Variants in KIAA1217 observed in about 807,000 individuals in gnomAD.
The protein encoded by KIAA1217 is sickle tail protein homolog.
KIAA1217 carries 88 observed loss-of-function variants against 163.9 expected under a neutral mutation model. That is an observed-to-expected ratio of 0.54 (90% CI 0.45 to 0.64). The LOEUF (loss-of-function observed/expected upper bound fraction) is 0.64. Among genes scored for constraint, KIAA1217 ranks in the 30% least tolerant of loss-of-function variants. The pLI is 0.00. For synonymous variants in KIAA1217, 903 were observed against 923.1 expected (o/e 0.98, Z 0.39); for missense variants, 2,372 against 2,475.0 (o/e 0.96, Z 0.88).
chr10:23,830,332 G>A (rs879588274), intron 1 of KIAA1217, among the ~76,000 whole-genome samples: 5 of 152,128 alleles, frequency 3.3e-5, no homozygotes, highest in Non-Finnish European at 7.3e-5. Context: ...TGATTCGGTT[G>A]TCCTGCATAA....
At chr10:24,282,004 C>T (rs1034307570) in intron 2 of KIAA1217, among the ~76,000 whole-genome samples, 5 of 151,888 alleles carry the variant, frequency 3.3e-5, no homozygotes, top group African/African-American at 9.7e-5. Flanking sequence ...TTGCAGTGAG[C>T]GGAGATCACA....
At chr10:24,091,450 T>C (rs2061935673) in intron 2 of KIAA1217, among the ~76,000 whole-genome samples, 1 of 151,960 alleles carries the variant, frequency 6.6e-6, no homozygotes, top group African/African-American at 2.4e-5. Flanking sequence ...AAGTCCCCAC[T>C]GCTTCTAATT....
chr10:24,381,185 A>T (rs1021036466), intron 3 of KIAA1217, 118 bp downstream of exon 3: 1 of 752,722 alleles, frequency 1.3e-6, no homozygotes, highest in Non-Finnish European at 1.9e-6. Flanking sequence ...CAAATACTCT[A>T]GTACTGGGAA....
At chr10:24,253,521 A>C (rs1368733864) in intron 2 of KIAA1217, among the ~76,000 whole-genome samples, 2 of 152,150 alleles carry the variant, frequency 1.3e-5, no homozygotes, top group African/African-American at 2.4e-5. Context: ...TACTTGCTTG[A>C]TTGTTTGTTT....
intron 9 of KIAA1217, among the ~76,000 whole-genome samples, chr10:24,504,282 A>G (rs2068053509): frequency 6.6e-6 from 1 of 152,242 alleles, no homozygotes; most frequent in Non-Finnish European, 1.5e-5. Flanking sequence ...AATAAAGAAC[A>G]GTGAGCAAAT....
At chr10:23,771,227 G>C (rs534372646) in intron 1 of KIAA1217, among the ~76,000 whole-genome samples, 2 of 152,122 alleles carry the variant, frequency 1.3e-5, no homozygotes, top group East Asian at 3.9e-4. Flanking sequence ...CCAATCTGTA[G>C]AGTCTCTGCA....
At chr10:24,445,170 G>A (rs774738747) in intron 5 of KIAA1217, among the ~76,000 whole-genome samples, 5 of 152,064 alleles carry the variant, frequency 3.3e-5, no homozygotes, top group Non-Finnish European at 5.9e-5. Context: ...GTTTTCACAG[G>A]TGATAAAACT....
At chr10:24,275,687 T>C (rs1423137243) in intron 2 of KIAA1217, 3 of 513,064 alleles carry the variant, frequency 5.8e-6, no homozygotes, top group East Asian at 5.9e-5. Context: ...GCAGGCAAGA[T>C]TGATGCTGTT....
intron 13 of KIAA1217, among the ~76,000 whole-genome samples, chr10:24,525,104 G>A (rs1005811212): frequency 8.5e-5 from 13 of 152,152 alleles, no homozygotes; most frequent in East Asian, 1.9e-4. Flanking sequence ...GAGTGGGTGC[G>A]TGCAGATCTG....
chr10:23,957,300 T>G (rs1000997970), intron 1 of KIAA1217, among the ~76,000 whole-genome samples: 1 of 152,188 alleles, frequency 6.6e-6, no homozygotes, highest in Non-Finnish European at 1.5e-5. Flanking sequence ...CAACAAGCCC[T>G]GTCGTTTCCT....
Position 24,121,647 on chromosome 10 carries a change from C to T in KIAA1217, c.-170-97979C>T, listed in dbSNP as rs142424703. Among the ~76,000 whole-genome samples the T allele has an allele frequency of 1.8e-3, 272 of 152,060 alleles. 1 individual carries two copies. The highest frequency in any genetic ancestry group is 6.4e-3 in the African/African-American group (264 of 41,468). On this transcript the variant is annotated intron_variant, in intron 2 of 18. Transcript: ENST00000376462. Reference sequence around the variant, plus strand: ...CTGTCATGAAAATTTTATTAGTATACGACAAATAGAGGTTAGCTGATTTGT... The same window carrying T: ...CTGTCATGAAAATTTTATTAGTATATGACAAATAGAGGTTAGCTGATTTGT...
At chr10:24,249,897 C>T (rs1447468074) in intron 2 of KIAA1217, among the ~76,000 whole-genome samples, 2 of 152,136 alleles carry the variant, frequency 1.3e-5, no homozygotes, top group East Asian at 1.9e-4. Context: ...GCTGTGAAAC[C>T]GGTGGCTCAT....
At chr10:23,988,064 G>A (rs75540881) in intron 1 of KIAA1217, among the ~76,000 whole-genome samples, 2,154 of 151,942 alleles carry the variant, frequency 0.014, 49 homozygotes, top group African/African-American at 0.049. Flanking sequence ...AAAAAGCAGC[G>A]TGGATCCTTC....
chr10:24,148,335 A>G (rs1341984747), intron 2 of KIAA1217, among the ~76,000 whole-genome samples: 1 of 152,174 alleles, frequency 6.6e-6, no homozygotes, highest in Non-Finnish European at 1.5e-5. Flanking sequence ...AGTTTTGTAA[A>G]GCTAAAAAAA....
Position 24,403,331 on chromosome 10 carries a change from C to T in KIAA1217, c.553+22264C>T, listed in dbSNP as rs189011063. 4.0e-3 allele frequency among the ~76,000 whole-genome samples: 611 copies of T among 152,258 alleles called. 3 individuals carry two copies. The highest frequency in any genetic ancestry group is 0.012 in the Admixed American group (180 of 15,292). On this transcript the variant is annotated intron_variant, in intron 3 of 20. Transcript: ENST00000376454. ...TCAGCTCACTGCAACCTCTGCCACCCGGGTTCGAGCAATTCTTCTGCCTCA... is the reference window on the plus strand; with the variant it reads ...TCAGCTCACTGCAACCTCTGCCACCTGGGTTCGAGCAATTCTTCTGCCTCA...
intron 2 of KIAA1217, among the ~76,000 whole-genome samples, chr10:24,117,755 G>C (rs551898508): frequency 9.8e-5 from 15 of 152,350 alleles, no homozygotes; most frequent in African/African-American, 3.6e-4. Flanking sequence ...AGCTTATGCA[G>C]AGTCCTGCTT....
Position 23,943,246 on chromosome 10 carries a change from C to T in KIAA1217, c.-320-63979C>T, listed in dbSNP as rs187455469. ...TTACAGATGAGATGGTTGTTTATTT[C>T]GAAAATCCTAAGCAATGTACAAAAC... is the stretch of plus-strand genomic sequence containing the variant. On this transcript the variant is annotated intron_variant, in intron 1 of 18. Coordinates refer to the KIAA1217 transcript ENST00000376462. 2.5e-3 allele frequency among the ~76,000 whole-genome samples: 385 copies of T among 152,130 alleles called. 2 individuals carry two copies. The highest frequency in any genetic ancestry group is 1.9e-3 in the East Asian group (10 of 5,176).
At chr10:23,712,065 G>A (rs1028827069) in intron 1 of KIAA1217, among the ~76,000 whole-genome samples, 4 of 152,088 alleles carry the variant, frequency 2.6e-5, no homozygotes, top group Admixed American at 2.6e-4. Context: ...ATTCTCAATG[G>A]TGGACTCTTC....
intron 2 of KIAA1217, among the ~76,000 whole-genome samples, chr10:24,286,104 C>A (rs143638308): frequency 4.6e-5 from 7 of 151,968 alleles, no homozygotes; most frequent in African/African-American, 1.4e-4. Flanking sequence ...GGTCTAGGAG[C>A]CTTTTGGCAA....
Sources: allele counts gnomAD v4.1 joint callset (sites outside exome capture counted in the v4.1 genomes callset), GRCh38; gene constraint gnomAD v4.1.1; transcripts MANE v1.5; gene names NCBI Gene and HGNC (gene_info 2026-07-23, HGNC 2026-07-21).